HECW1: variants seen among roughly 807,000 people sequenced by gnomAD.
HECW1 encodes the protein E3 ubiquitin-protein ligase HECW1.
Under a neutral mutation model 182.3 loss-of-function variants are expected in HECW1, and 61 were observed. The ratio of observed to expected loss-of-function variants is 0.33; its 90% CI spans 0.27 to 0.41. The LOEUF (loss-of-function observed/expected upper bound fraction) is 0.41. Ranked by LOEUF, HECW1 falls within the 10% of genes least tolerant of loss-of-function variation. HECW1 has a pLI of 1.00. For synonymous variants in HECW1, 859 were observed against 832.6 expected (o/e 1.03, Z -0.55); for missense variants, 1,739 against 2,108.9 (o/e 0.82, Z 3.44).
intron 2 of HECW1, among the ~76,000 whole-genome samples, chr7:43,142,281 A>T (rs1242799759): frequency 6.6e-6 from 1 of 152,178 alleles, no homozygotes; most frequent in African/African-American, 2.4e-5. Flanking sequence ...AACACTGTGG[A>T]TATTGCCTAA....
At chr7:43,489,117 G>A (rs1036046234) in intron 17 of HECW1, among the ~76,000 whole-genome samples, 10 of 152,170 alleles carry the variant, frequency 6.6e-5, no homozygotes, top group Middle Eastern at 3.4e-3. Flanking sequence ...TTCACTCAGG[G>A]CGAAACAACA....
At chr7:43,274,359 G>A in intron 3 of HECW1, 1 of 674,984 alleles carries the variant, frequency 1.5e-6, no homozygotes, top group Non-Finnish European at 2.5e-6. Context: ...GTGGACAGGT[G>A]TTTGAGAAGG....
chr7:43,334,012 G>C (rs972600112), intron 5 of HECW1, among the ~76,000 whole-genome samples: 6 of 152,186 alleles, frequency 3.9e-5, no homozygotes, highest in African/African-American at 1.2e-4. Context: ...TGGAAAGGGA[G>C]AATTTTCACT....
chr7:43,456,075 A>G (rs1044513248), intron 12 of HECW1, among the ~76,000 whole-genome samples: 16 of 152,178 alleles, frequency 1.1e-4, no homozygotes, highest in Non-Finnish European at 1.6e-4. Flanking sequence ...ACTGTTTAAT[A>G]TGGCCCAGCA....
chr7:43,219,120 C>CA (rs2152701544), intron 2 of HECW1, among the ~76,000 whole-genome samples: 1 of 151,944 alleles, frequency 6.6e-6, no homozygotes, highest in East Asian at 2.0e-4. Flanking sequence ...TATGCAAATA[C>CA]AGGGCGCCAT....
intron 6 of HECW1, among the ~76,000 whole-genome samples, chr7:43,371,354 T>C (rs963182540): frequency 6.6e-6 from 1 of 152,192 alleles, no homozygotes; most frequent in Non-Finnish European, 1.5e-5. Context: ...TATGCCACTC[T>C]TATGTGGAAC....
intron 17 of HECW1, chr7:43,484,234 C>G (rs923022144): frequency 1.3e-5 from 2 of 152,240 alleles, no homozygotes; most frequent in African/African-American, 4.8e-5. Context: ...TCCACGTCTT[C>G]AGGACCGCAT....
intron 2 of HECW1, among the ~76,000 whole-genome samples, chr7:43,195,904 C>T (rs568417894): frequency 6.6e-6 from 1 of 152,068 alleles, no homozygotes; most frequent in Admixed American, 6.6e-5. Flanking sequence ...ATAGGTATTC[C>T]CAGAACTGTC....
intron 2 of HECW1, among the ~76,000 whole-genome samples, chr7:43,235,320 C>T (rs1259841942): frequency 6.6e-6 from 1 of 152,230 alleles, no homozygotes; most frequent in Admixed American, 6.5e-5. Flanking sequence ...GACCTCTGTC[C>T]TCCCAGCCTG....
At chr7:43,222,994 T>C (rs1797115976) in intron 2 of HECW1, among the ~76,000 whole-genome samples, 1 of 152,222 alleles carries the variant, frequency 6.6e-6, no homozygotes, top group Non-Finnish European at 1.5e-5. Context: ...AAGAAGCATT[T>C]CAAACAGAAA....
intron 4 of HECW1, among the ~76,000 whole-genome samples, chr7:43,318,276 A>G (rs1205778408): frequency 6.6e-6 from 1 of 152,208 alleles, no homozygotes; most frequent in Non-Finnish European, 1.5e-5. Context: ...AACTTGTTAT[A>G]TCTCTGCTGA....
At chr7:43,495,200 G>A (rs2079070960) in intron 19 of HECW1, among the ~76,000 whole-genome samples, 2 of 152,206 alleles carry the variant, frequency 1.3e-5, no homozygotes, top group South Asian at 2.1e-4. Context: ...CACCATGGTG[G>A]TTTGCTGCAC....
At chr7:43,229,517 T>C (rs1173604538) in intron 2 of HECW1, among the ~76,000 whole-genome samples, 1 of 152,024 alleles carries the variant, frequency 6.6e-6, no homozygotes, top group Non-Finnish European at 1.5e-5. Flanking sequence ...AAAAGATAAC[T>C]GTTGGGTACT....
intron 2 of HECW1, among the ~76,000 whole-genome samples, chr7:43,238,212 G>A (rs1394258779): frequency 6.6e-6 from 1 of 152,190 alleles, no homozygotes; most frequent in Non-Finnish European, 1.5e-5. Context: ...TCTGGGCTGA[G>A]CAGCAATAAA....
At chr7:43,540,742 A>C (rs1452872825) in intron 24 of HECW1, among the ~76,000 whole-genome samples, 1 of 152,192 alleles carries the variant, frequency 6.6e-6, no homozygotes, top group Non-Finnish European at 1.5e-5. Context: ...GACCTTAGGT[A>C]ATGTAGATAA....
intron 5 of HECW1, among the ~76,000 whole-genome samples, chr7:43,354,835 A>G (rs1814903251): frequency 6.6e-6 from 1 of 152,172 alleles, no homozygotes; most frequent in South Asian, 2.1e-4. Flanking sequence ...AACAGATTCA[A>G]CTCAAATAAG....
rs2082307672 is a variant in HECW1 at position 43,565,558 on chromosome 7, T to TTTATTATTATTATTATTATTATTTTTA, written c.*3648_*3674dup. ...GAACTTTACATAACAAATGTGGTGC[T>TTTATTATTATTATTATTATTATTTTTA]TTATTATTATTATTATTATTATTTT... On this transcript the variant is annotated 3_prime_UTR_variant, in exon 30 of 30. Coordinates refer to ENST00000395891, the MANE Select transcript of HECW1 (RefSeq NM_015052.5). 1 of 167,590 alleles carries TTTATTATTATTATTATTATTATTTTTA rather than the reference T, an allele frequency of 6.0e-6. No individual in the cohort carries two copies. The highest frequency in any genetic ancestry group is 1.3e-5 in the Non-Finnish European group (1 of 78,466). 10.4% of individuals were successfully genotyped at this position (167,590 alleles called of 1,614,324 possible).
At chr7:43,379,919 G>C (rs1266073344) in intron 6 of HECW1, among the ~76,000 whole-genome samples, 3 of 152,192 alleles carry the variant, frequency 2.0e-5, no homozygotes, top group Non-Finnish European at 4.4e-5. Flanking sequence ...GTACCTGCCT[G>C]TCCTCTTCAG....
intron 10 of HECW1, among the ~76,000 whole-genome samples, chr7:43,443,331 T>C (rs2076949994): frequency 6.6e-6 from 1 of 152,220 alleles, no homozygotes; most frequent in Non-Finnish European, 1.5e-5. Context: ...CACTACCCAC[T>C]CATTAAACTC....
Sources: gnomAD v4.1 joint callset for allele counts (sites outside exome capture counted in the v4.1 genomes callset) on GRCh38, gnomAD v4.1.1 for gene constraint, MANE v1.5 for transcripts, NCBI Gene and HGNC (gene_info 2026-07-23, HGNC 2026-07-21) for gene names.